NCOR2: variants seen among roughly 807,000 people sequenced by gnomAD.
NCOR2 encodes nuclear receptor corepressor 2, also known as CTG repeat protein 26.
A neutral mutation model predicts 262.9 loss-of-function variants in NCOR2; 81 were observed. That is an observed-to-expected ratio of 0.31 (90% CI 0.26 to 0.37). The LOEUF (loss-of-function observed/expected upper bound fraction) is 0.37. Ranked by LOEUF, NCOR2 falls within the 10% of genes least tolerant of loss-of-function variation. NCOR2 has a pLI of 1.00. For missense variants in NCOR2, 3,385 were observed against 3,621.4 expected (o/e 0.93, Z 1.68); for synonymous variants, 1,659 against 1,559.3 (o/e 1.06, Z -1.51).
At chr12:124,493,900 C>G (rs1034017913) in intron 1 of NCOR2, among the ~76,000 whole-genome samples, 1 of 152,182 alleles carries the variant, frequency 6.6e-6, no homozygotes, top group African/African-American at 2.4e-5. Context: ...TGTGATTTAA[C>G]CTCTTGGGCC....
intron 7 of NCOR2, among the ~76,000 whole-genome samples, chr12:124,445,983 C>T (rs934571326): frequency 6.6e-6 from 1 of 152,260 alleles, no homozygotes; most frequent in Non-Finnish European, 1.5e-5. Context: ...ACAGCCAGGA[C>T]GAGCTGCGGT....
intron 1 of NCOR2, among the ~76,000 whole-genome samples, chr12:124,529,203 C>T (rs1266775831): frequency 7.5e-5 from 6 of 80,016 alleles, no homozygotes; most frequent in Admixed American, 2.6e-4. Flanking sequence ...AAAAAAAAAA[C>T]ACTCACTAAT....
chr12:124,437,381 GC>G (rs2044406447), intron 8 of NCOR2, among the ~76,000 whole-genome samples: 1 of 152,226 alleles, frequency 6.6e-6, no homozygotes, highest in Admixed American at 6.5e-5. Context: ...GAGATCCACA[GC>G]CTACAGTGAG....
At chr12:124,346,514 A>C in intron 31 of NCOR2, 50 bp downstream of exon 33, 2 of 1,442,124 alleles carry the variant, frequency 1.4e-6, no homozygotes, top group Non-Finnish European at 9.1e-7. Context: ...CCCCACAGCC[A>C]CCGCCACCCC....
intron 44 of NCOR2, 74 bp from the exon 47 acceptor site, chr12:124,327,707 A>G: frequency 9.7e-7 from 1 of 1,028,108 alleles, no homozygotes; most frequent in East Asian, 2.5e-5. Flanking sequence ...CGACAGAGAG[A>G]GAGAAGGGAG....
At chr12:124,428,088 T>TGTGTGC (rs1555221785) in intron 10 of NCOR2, among the ~76,000 whole-genome samples, 4 of 147,428 alleles carry the variant, frequency 2.7e-5, no homozygotes, top group African/African-American at 1.0e-4. Flanking sequence ...TGTGTGTGTG[T>TGTGTGC]ACATGCAACA....
chr12:124,414,305 C>T (rs560447600), intron 13 of NCOR2, among the ~76,000 whole-genome samples: 1 of 152,346 alleles, frequency 6.6e-6, no homozygotes, highest in East Asian at 1.9e-4. Flanking sequence ...GGGATAATTA[C>T]ACACCTGTCC....
At position 124,343,025 on chromosome 12, in the gene NCOR2, C is replaced by T. The variant is rs369522120; in HGVS notation, c.4916G>A (p.Arg1639His). 1.3e-5 allele frequency: 21 copies of T among 1,611,244 alleles called. No individual in the cohort carries two copies. The highest frequency in any genetic ancestry group is 2.7e-5 in the African/African-American group (2 of 74,980). The change falls in exon 33 of 47, where the codon CGC (arginine) becomes CAC (histidine). Residue 1639 changes from arginine to histidine, a missense_variant. Coordinates refer to ENST00000405201, the Ensembl canonical transcript of NCOR2. The stretch of plus-strand genomic sequence containing the variant: ...ATCACCTGCGTCCAGAGGGATGCCG[C>T]GGGGTATGGAGGTGGGGTCGAAGGC...
intron 24 of NCOR2, 69 bp from the exon 27 acceptor site, chr12:124,355,008 G>T: frequency 1.5e-6 from 2 of 1,362,710 alleles, no homozygotes; most frequent in Non-Finnish European, 2.0e-6. Flanking sequence ...AGTGCCTGAC[G>T]CTCCTGTTCA....
At chr12:124,420,086 G>A in intron 12 of NCOR2, 31 bp from the exon 15 acceptor site, 1 of 1,575,876 alleles carries the variant, frequency 6.3e-7, no homozygotes, top group Admixed American at 1.7e-5. Flanking sequence ...ACGCTGAGCA[G>A]GGTACAGCAC....
chr12:124,441,092 C>T (rs199641125), intron 7 of NCOR2, among the ~76,000 whole-genome samples: 1 of 152,090 alleles, frequency 6.6e-6, no homozygotes, highest in East Asian at 1.9e-4. Context: ...GCTGTGAAGG[C>T]CTAGAAGCAG....
At chr12:124,355,708 G>T (rs2037896175) in intron 23 of NCOR2, 137 bp from the exon 26 acceptor site, 1 of 1,293,538 alleles carries the variant, frequency 7.7e-7, no homozygotes, top group Non-Finnish European at 1.0e-6. Flanking sequence ...CTATTGCCCT[G>T]CCTGGCTCTG....
chr12:124,514,177 G>A (rs1403683521), intron 1 of NCOR2: 1 of 152,242 alleles, frequency 6.6e-6, no homozygotes, highest in Non-Finnish European at 1.5e-5. Flanking sequence ...GTGATGAGCT[G>A]TCATGAGTGG....
chr12:124,478,088 AGAG>A (rs929299337), intron 3 of NCOR2, among the ~76,000 whole-genome samples: 1 of 152,338 alleles, frequency 6.6e-6, no homozygotes, highest in African/African-American at 2.4e-5. Flanking sequence ...AGAAATGCGG[AGAG>A]GAGGAGGAAG....
rs2050275630 is a variant in NCOR2, at chr12:124,523,099, C to T, written c.-118+12466G>A. Among the ~76,000 whole-genome samples the T allele has an allele frequency of 6.6e-6, 1 of 152,342 alleles. No homozygotes were observed. The highest frequency in any genetic ancestry group is 1.5e-5 in the Non-Finnish European group (1 of 68,022). On this transcript the variant is annotated intron_variant, in intron 1 of 46. Coordinates refer to the NCOR2 transcript ENST00000404621. This position sits in a 1 kb window ranked among gnomAD's most constrained non-coding sequence, Gnocchi z 4.0. ...CCGGGATTCTTCTCCACAAAAGCAT[C>T]AAAATGAAGCCCTGACCACGTTGGC...
chr12:124,466,051 G>C (rs1247025551), intron 5 of NCOR2, 122 bp downstream of exon 7: 5 of 942,946 alleles, frequency 5.3e-6, no homozygotes, highest in African/African-American at 5.0e-5. Flanking sequence ...GTCTCTGGGG[G>C]AGAGGGTGGC....
chr12:124,499,475 G>A (rs927661846), upstream of NCOR2, among the ~76,000 whole-genome samples: 25 of 142,246 alleles, frequency 1.8e-4, no homozygotes, highest in Non-Finnish European at 3.4e-4. Flanking sequence ...GAGATACGAG[G>A]AAGAAGAACT....
chr12:124,461,261 G>C (rs989088659), intron 5 of NCOR2, among the ~76,000 whole-genome samples: 1 of 152,254 alleles, frequency 6.6e-6, no homozygotes, highest in African/African-American at 2.4e-5. Flanking sequence ...CCGCAGGGGA[G>C]GTGGCCAAGC....
At chr12:124,352,905 C>G (rs1363933252) in intron 27 of NCOR2, among the ~76,000 whole-genome samples, 1 of 152,240 alleles carries the variant, frequency 6.6e-6, no homozygotes, top group East Asian at 1.9e-4. Flanking sequence ...GATCAGGGAG[C>G]TGGGACTTCC....
Sources: allele counts gnomAD v4.1 joint callset (sites outside exome capture counted in the v4.1 genomes callset), GRCh38; gene constraint gnomAD v4.1.1; non-coding constraint Gnocchi (gnomAD v3.1); transcripts MANE v1.5; gene names NCBI Gene and HGNC (gene_info 2026-07-23, HGNC 2026-07-21).